Variants in NCAM1 observed in about 807,000 individuals in gnomAD.
NCAM1 encodes the protein antigen recognized by monoclonal antibody 5.1H11.
A neutral mutation model predicts 109.8 loss-of-function variants in NCAM1; 14 were observed. The observed-to-expected ratio is 0.13, with a 90% CI of 0.08 to 0.20. NCAM1 has a LOEUF of 0.20. Among genes scored for constraint, NCAM1 ranks in the 10% least tolerant of loss-of-function variants. NCAM1 has a pLI of 1.00. For missense variants in NCAM1, 774 were observed against 1,109.9 expected (o/e 0.70, Z 4.30); for synonymous variants, 418 against 442.9 (o/e 0.94, Z 0.70).
rs547624717 is a variant in NCAM1 at position 113,242,815 on chromosome 11, T to A, written c.1826-3553T>A. The A allele has an allele frequency of 1.9e-6, 3 of 1,614,012 alleles. No individual in the cohort carries two copies. The East Asian group carries it at 6.7e-5, about 36-fold the overall frequency. On this transcript the variant is annotated intron_variant, in intron 14 of 19. Transcript: ENST00000316851. ...GTCGTGTTTCCATAGCAACTTGGCC[T>A]CTTCCTGCCCTTGCAACCACAGAAC...
At chr11:113,106,528 TA>T (rs1277102059) in intron 1 of NCAM1, among the ~76,000 whole-genome samples, 3 of 152,190 alleles carry the variant, frequency 2.0e-5, no homozygotes, top group Admixed American at 6.5e-5. Context: ...CAGCTGAAGA[TA>T]AAAAGTCCAT....
chr11:112,975,961 A>G (rs1950994759), intron 1 of NCAM1, among the ~76,000 whole-genome samples: 1 of 152,022 alleles, frequency 6.6e-6, no homozygotes, highest in Non-Finnish European at 1.5e-5. Flanking sequence ...ATAGGAAACC[A>G]GAAAAATCAT....
chr11:113,233,797 C>G lies in NCAM1; in HGVS notation c.1693+480C>G, dbSNP rs1187196135. On this transcript the variant is annotated intron_variant, in intron 13 of 19. Transcript: ENST00000316851. This position sits in a 1 kb window ranked among gnomAD's most constrained non-coding sequence, Gnocchi z 4.5. ...AGGACAAGTCTGCCCTTAAATCAGT[C>G]CTGTGCTAGCTTTCCAAGCTAAAGA... Among the ~76,000 whole-genome samples the G allele has an allele frequency of 1.3e-5, 2 of 152,172 alleles. No homozygotes were observed. Among genetic ancestry groups the G allele is most frequent in the Non-Finnish European group, 2.9e-5 (2 of 68,042 alleles).
Position 113,235,108 on chromosome 11 carries a change from A to G in NCAM1, c.1769A>G (p.Asn590Ser), listed in dbSNP as rs1945125794. Residue 590 changes from asparagine (N) to serine (S), a missense_variant, in exon 14 of 20, where the codon AAT becomes AGT. Asn to Ser is a conservative substitution (Grantham distance 46). This residue lies in a region of NCAM1 where 523 missense variants were observed against 784.2 expected (regional missense o/e 0.67). Coordinates refer to ENST00000316851, the MANE Select transcript of NCAM1 (RefSeq NM_181351.5). Reference protein sequence around the residue: ...TTYAVRLAALNGKGLGEISAA... With the variant: ...TTYAVRLAALSGKGLGEISAA... ...TACGCCGTAAGGCTGGCGGCGCTCA[A>G]TGGCAAAGGGCTGGGTGAGATCAGC... is the stretch of plus-strand genomic sequence containing the variant. 2 of 1,611,210 alleles carry G rather than the reference A, an allele frequency of 1.2e-6. No individual in the cohort carries two copies. The highest frequency in any genetic ancestry group is 1.1e-5 in the South Asian group (1 of 90,504).
At chr11:113,210,779 C>CAA (rs1555113559) in intron 7 of NCAM1, among the ~76,000 whole-genome samples, 1 of 92,656 alleles carries the variant, frequency 1.1e-5, no homozygotes, top group Non-Finnish European at 2.1e-5. Flanking sequence ...ATCACAAACA[C>CAA]ACACACACAC....
chr11:113,066,075 A>G (rs1392428689), intron 1 of NCAM1, among the ~76,000 whole-genome samples: 2 of 152,206 alleles, frequency 1.3e-5, no homozygotes, highest in African/African-American at 4.8e-5. Flanking sequence ...TTCATAATTC[A>G]TCTGTCTAAT....
chr11:113,129,976 TTAACAGCAC>T (rs1402877758), intron 1 of NCAM1, among the ~76,000 whole-genome samples: 2 of 152,220 alleles, frequency 1.3e-5, no homozygotes, highest in Non-Finnish European at 2.9e-5. Context: ...ATCACGTTTT[TTAACAGCAC>T]TAACAGCACT....
chr11:113,026,441 G>A (rs1455626115), intron 1 of NCAM1, among the ~76,000 whole-genome samples: 20 of 152,262 alleles, frequency 1.3e-4, no homozygotes, highest in African/African-American at 4.8e-5. Context: ...CCTGCATGCC[G>A]TGTAGACACA....
At chr11:113,127,760 G>A (rs772230610) in intron 1 of NCAM1, among the ~76,000 whole-genome samples, 10 of 152,250 alleles carry the variant, frequency 6.6e-5, no homozygotes, top group African/African-American at 9.6e-5. Flanking sequence ...CTGCTCAGCA[G>A]CGTCCCTTCC....
At chr11:112,965,446 T>C (rs1950707476) in intron 1 of NCAM1, among the ~76,000 whole-genome samples, 2 of 152,202 alleles carry the variant, frequency 1.3e-5, no homozygotes, top group African/African-American at 4.8e-5. Context: ...TGTAATTTAA[T>C]GGAAGTAACC....
At chr11:113,138,245 G>A (rs544869258) in intron 1 of NCAM1, among the ~76,000 whole-genome samples, 56 of 152,352 alleles carry the variant, frequency 3.7e-4, no homozygotes, top group Admixed American at 8.5e-4. Context: ...TTCCATGGAT[G>A]GGGATCGAGT....
chr11:113,003,153 C>T (rs1951800984), intron 1 of NCAM1, among the ~76,000 whole-genome samples: 1 of 152,222 alleles, frequency 6.6e-6, no homozygotes, highest in Admixed American at 6.5e-5. Context: ...GCATCACACT[C>T]CCTGTTAAAG....
chr11:113,092,451 A>G (rs1555089535), intron 1 of NCAM1, among the ~76,000 whole-genome samples: 1 of 152,098 alleles, frequency 6.6e-6, no homozygotes, highest in East Asian at 1.9e-4. Context: ...TCCTTTTATT[A>G]TGATGATTTT....
intron 5 of NCAM1, among the ~76,000 whole-genome samples, chr11:113,206,936 T>C (rs1221482551): frequency 3.9e-5 from 6 of 152,218 alleles, no homozygotes; most frequent in African/African-American, 1.4e-4. Flanking sequence ...CTGGTAGTTA[T>C]TAAGTTTAGT....
intron 1 of NCAM1, among the ~76,000 whole-genome samples, chr11:113,138,863 C>T (rs1236980356): frequency 6.6e-6 from 1 of 152,184 alleles, no homozygotes; most frequent in African/African-American, 2.4e-5. Context: ...TAGTGTTGGG[C>T]GTAACCTTCA....
intron 14 of NCAM1, among the ~76,000 whole-genome samples, chr11:113,241,161 C>G (rs1367166103): frequency 6.6e-6 from 1 of 152,140 alleles, no homozygotes; most frequent in African/African-American, 2.4e-5. Flanking sequence ...TTTGGAGAAG[C>G]CAAAGGAATT....
At chr11:113,272,845 C>G in intron 19 of NCAM1, 1 of 444,894 alleles carries the variant, frequency 2.2e-6, no homozygotes, top group South Asian at 1.6e-5. Context: ...CCCCATGGTC[C>G]CTGTCCTGGG....
intron 1 of NCAM1, among the ~76,000 whole-genome samples, chr11:113,101,464 C>T (rs1223376247): frequency 1.3e-5 from 2 of 152,088 alleles, no homozygotes; most frequent in Non-Finnish European, 2.9e-5. Context: ...CTTCTATGAT[C>T]TGTTCTAAAT....
chr11:113,220,564 A>G (rs1944655792), intron 8 of NCAM1, among the ~76,000 whole-genome samples: 2 of 151,516 alleles, frequency 1.3e-5, no homozygotes, highest in South Asian at 4.2e-4. Context: ...TGCCTTATAA[A>G]ATCCAAAGAA....
Sources: allele counts gnomAD v4.1 joint callset (sites outside exome capture counted in the v4.1 genomes callset), GRCh38; gene constraint gnomAD v4.1.1; regional missense constraint gnomAD v4.1.1; non-coding constraint Gnocchi (gnomAD v3.1); transcripts MANE v1.5; gene names NCBI Gene and HGNC (gene_info 2026-07-23, HGNC 2026-07-21).